The following CUX1 variants were observed in gnomAD, a reference collection of about 807,000 sequenced individuals.
CUX1 encodes the protein cut like homeobox 1, also known as protein CASP.
In CUX1, 31 loss-of-function variants were observed where a neutral mutation model predicts 158.8. That is an observed-to-expected ratio of 0.20 (90% CI 0.15 to 0.26). CUX1 has a LOEUF of 0.26. Ranked by LOEUF, CUX1 falls within the 10% of genes least tolerant of loss-of-function variation. CUX1 has a pLI of 1.00. For synonymous variants in CUX1, 879 were observed against 862.1 expected (o/e 1.02, Z -0.34); for missense variants, 1,589 against 2,014.6 (o/e 0.79, Z 4.04).
intron 3 of CUX1, among the ~76,000 whole-genome samples, chr7:102,059,076 C>T (rs1421449927): frequency 2.0e-5 from 3 of 152,226 alleles, no homozygotes; most frequent in Non-Finnish European, 2.9e-5. Context: ...CCTGCTCATG[C>T]TGGTTTTGCA....
chr7:102,043,323 C>CGTGTG (rs1554464758), intron 3 of CUX1, among the ~76,000 whole-genome samples: 1 of 139,068 alleles, frequency 7.2e-6, no homozygotes, highest in Non-Finnish European at 1.5e-5. Flanking sequence ...CATTAGCTCA[C>CGTGTG]TGTGTGTGTG....
chr7:101,959,156 G>A (rs1037957561), intron 2 of CUX1, among the ~76,000 whole-genome samples: 1 of 151,852 alleles, frequency 6.6e-6, no homozygotes, highest in African/African-American at 2.4e-5. Context: ...GCCCAGCCTG[G>A]ATGATTGGAT....
At chr7:102,198,615 C>T (rs998074838) in intron 15 of CUX1, among the ~76,000 whole-genome samples, 187 bp from the exon 16 acceptor site, 3 of 152,216 alleles carry the variant, frequency 2.0e-5, no homozygotes, top group Non-Finnish European at 4.4e-5. Context: ...AGCAGAGCCA[C>T]GGCCTCTGCG....
At position 102,105,214 on chromosome 7, in the gene CUX1, C is replaced by CAG. The variant is rs1386509259; in HGVS notation, c.530+757_530+758dup. The stretch of plus-strand genomic sequence containing the variant: ...ACACACACACACACACACACACACA[C>CAG]AGACTCTCTGATGTATTTAATATTA... On this transcript the variant is annotated intron_variant, in intron 6 of 23. Coordinates refer to ENST00000292535, the MANE Select transcript of CUX1 (RefSeq NM_181552.4). Among the ~76,000 whole-genome samples, 92 of 149,804 alleles carry CAG rather than the reference C, an allele frequency of 6.1e-4. 3 individuals are homozygous for CAG. In the East Asian group the frequency reaches 0.017, roughly 27 times the overall value.
At chr7:102,102,340 C>G in intron 5 of CUX1, among the ~76,000 whole-genome samples, 1 of 139,342 alleles carries the variant, frequency 7.2e-6, no homozygotes, top group South Asian at 2.3e-4. Flanking sequence ...AGGAGAATTG[C>G]TTGAACCCAG....
intron 1 of CUX1, among the ~76,000 whole-genome samples, chr7:101,827,161 TA>T (rs759575659): frequency 3.3e-5 from 5 of 152,242 alleles, no homozygotes; most frequent in South Asian, 4.1e-4. Context: ...ACATGGGGAT[TA>T]GGGGCTGATC....
At chr7:102,194,814 G>A (rs1173771564) in intron 13 of CUX1, among the ~76,000 whole-genome samples, 4 of 152,028 alleles carry the variant, frequency 2.6e-5, no homozygotes, top group Non-Finnish European at 4.4e-5. Flanking sequence ...CTTGAGGTCA[G>A]GCATTTGAGA....
intron 2 of CUX1, among the ~76,000 whole-genome samples, chr7:101,928,252 T>C (rs748099199): frequency 2.6e-5 from 4 of 152,112 alleles, no homozygotes; most frequent in African/African-American, 4.8e-5. Flanking sequence ...TGAACTCTTA[T>C]AGGGATTCAG....
chr7:101,821,799 C>T (rs1211379131), intron 1 of CUX1, among the ~76,000 whole-genome samples: 1 of 143,236 alleles, frequency 7.0e-6, no homozygotes, highest in Admixed American at 7.0e-5. Flanking sequence ...CTTAGTCTCC[C>T]GAGTAGCTGG....
intron 3 of CUX1, among the ~76,000 whole-genome samples, chr7:102,037,714 T>A (rs1448122379): frequency 3.3e-5 from 5 of 152,014 alleles, no homozygotes; most frequent in Non-Finnish European, 7.4e-5. Flanking sequence ...TAAACTACCT[T>A]AAAATTTTTA....
At position 102,248,399 on chromosome 7, in the gene CUX1, T is replaced by G; in HGVS notation, c.3888-13T>G. 2 of 1,581,440 alleles carry G rather than the reference T, an allele frequency of 1.3e-6. No individual in the cohort carries two copies. Among genetic ancestry groups the G allele is most frequent in the Non-Finnish European group, 1.7e-6 (2 of 1,169,408 alleles). ...GCACCCCCCTCACGTCCCCGCCGCT[T>G]GTTGTCTTGTAGGTCTCGGATCCGC... is the stretch of plus-strand genomic sequence containing the variant. On this transcript the variant is annotated splice_polypyrimidine_tract_variant and intron_variant, in intron 23 of 23. Coordinates refer to ENST00000292535, the MANE Select transcript of CUX1 (RefSeq NM_181552.4). The surrounding 1 kb of genome is among the most constrained non-coding windows in gnomAD (Gnocchi z 5.8).
chr7:102,235,898 A>G (rs1272579046), intron 22 of CUX1, among the ~76,000 whole-genome samples: 1 of 151,498 alleles, frequency 6.6e-6, no homozygotes, highest in African/African-American at 2.4e-5. Flanking sequence ...TTCTCACCCA[A>G]CCCGGGAAAG....
At chr7:101,833,981 C>G (rs1226582784) in intron 1 of CUX1, among the ~76,000 whole-genome samples, 1 of 151,964 alleles carries the variant, frequency 6.6e-6, no homozygotes, top group Non-Finnish European at 1.5e-5. Context: ...GGGCCGGCCC[C>G]TCTGATCCTG....
chr7:102,046,962 C>G (rs777292053), intron 3 of CUX1, among the ~76,000 whole-genome samples: 7 of 152,176 alleles, frequency 4.6e-5, no homozygotes, highest in Non-Finnish European at 8.8e-5. Context: ...GATCTTGTTG[C>G]TCATCTAGTG....
At chr7:101,919,204 G>A (rs541133173) in intron 2 of CUX1, among the ~76,000 whole-genome samples, 16 of 152,140 alleles carry the variant, frequency 1.1e-4, no homozygotes, top group Admixed American at 3.3e-4. Flanking sequence ...GCAGGTGTGT[G>A]TGTGTGGGGG....
intron 2 of CUX1, among the ~76,000 whole-genome samples, chr7:101,993,799 C>T (rs1045699825): frequency 2.6e-5 from 4 of 152,186 alleles, no homozygotes; most frequent in Non-Finnish European, 5.9e-5. Flanking sequence ...CCGGTGCAGA[C>T]TGGGACATTC....
Position 101,869,709 on chromosome 7 carries a change from C to T in CUX1, c.31-46406C>T, listed in dbSNP as rs985492813. On this transcript the variant is annotated intron_variant, in intron 1 of 23. Coordinates refer to ENST00000292535, the MANE Select transcript of CUX1 (RefSeq NM_181552.4). The surrounding 1 kb of genome is among the most constrained non-coding windows in gnomAD (Gnocchi z 4.5). ...GAAGACGGCAGGACACACGTGCGAG[C>T]CACAGCAGGTGGGCGGGAGCTCACA... 6.6e-6 allele frequency among the ~76,000 whole-genome samples: 1 copy of T among 152,144 alleles called. No homozygotes were observed. Among genetic ancestry groups the T allele is most frequent in the Non-Finnish European group, 1.5e-5 (1 of 68,012 alleles).
intron 1 of CUX1, among the ~76,000 whole-genome samples, chr7:101,854,021 GGCTTTCCAGT>G (rs999908526): frequency 1.3e-5 from 2 of 152,128 alleles, no homozygotes; most frequent in African/African-American, 4.8e-5. Context: ...AGGCGGCTTC[GGCTTTCCAGT>G]GCTTTCCAGC....
chr7:102,193,820 C>A (rs1794519995), intron 12 of CUX1, 22 bp from the exon 13 acceptor site: 5 of 1,612,162 alleles, frequency 3.1e-6, no homozygotes, highest in Non-Finnish European at 4.2e-6. Flanking sequence ...AATAAAATAA[C>A]CCCTCTGTTG....
Sources: gnomAD v4.1 joint callset for allele counts (sites outside exome capture counted in the v4.1 genomes callset) on GRCh38, gnomAD v4.1.1 for gene constraint, Gnocchi (gnomAD v3.1) non-coding constraint, MANE v1.5 for transcripts, NCBI Gene and HGNC (gene_info 2026-07-23, HGNC 2026-07-21) for gene names.